Variants in SLC24A2 observed in about 807,000 individuals in gnomAD.
SLC24A2 encodes solute carrier family 24 member 2.
A neutral mutation model predicts 62.0 loss-of-function variants in SLC24A2; 36 were observed. The observed-to-expected ratio is 0.58, with a 90% CI of 0.44 to 0.77. The LOEUF (loss-of-function observed/expected upper bound fraction) is 0.77, where lower values mean the gene tolerates loss of function less well. Ranked by LOEUF, SLC24A2 falls within the 30% of genes least tolerant of loss-of-function variation. The pLI is 0.00. For synonymous variants in SLC24A2, 358 were observed against 294.0 expected (o/e 1.22, Z -2.23); for missense variants, 846 against 817.9 (o/e 1.03, Z -0.42).
chr9:19,801,774 G>A, the SLC24A2 span, among the ~76,000 whole-genome samples: 4 of 152,186 alleles, frequency 2.6e-5, no homozygotes, highest in African/African-American at 9.6e-5. Flanking sequence ...CAGGCTTAGG[G>A]ATTTTTAGTC....
the SLC24A2 span, among the ~76,000 whole-genome samples, chr9:19,996,942 G>T: frequency 2.6e-5 from 4 of 151,826 alleles, no homozygotes; most frequent in South Asian, 8.3e-4. Flanking sequence ...GCGCTCAGTG[G>T]TAAAAGCATG....
the SLC24A2 span, among the ~76,000 whole-genome samples, chr9:19,867,703 A>T: frequency 5.3e-5 from 8 of 152,100 alleles, no homozygotes; most frequent in African/African-American, 1.7e-4. Flanking sequence ...AGGTCAAAAG[A>T]TCCAGACCAT....
chr9:20,301,778 G>T, the SLC24A2 span, among the ~76,000 whole-genome samples: 1 of 151,854 alleles, frequency 6.6e-6, no homozygotes, highest in Admixed American at 6.6e-5. Context: ...TTTACATTAG[G>T]GTTCACTCTT....
the SLC24A2 span, among the ~76,000 whole-genome samples, chr9:20,034,679 A>G: frequency 1.3e-5 from 2 of 152,054 alleles, no homozygotes; most frequent in South Asian, 2.1e-4. Flanking sequence ...CGTGTTAGCC[A>G]GGATGGTCTC....
At chr9:20,042,349 C>G in the SLC24A2 span, among the ~76,000 whole-genome samples, 1 of 152,190 alleles carries the variant, frequency 6.6e-6, no homozygotes, top group Non-Finnish European at 1.5e-5. Context: ...TCTGGAATAT[C>G]TGAGAAAGCA....
At chr9:19,677,475 A>T (rs376657679) in intron 2 of SLC24A2, among the ~76,000 whole-genome samples, 1 of 152,188 alleles carries the variant, frequency 6.6e-6, no homozygotes, top group Non-Finnish European at 1.5e-5. Flanking sequence ...AAAATAACTA[A>T]TAGGTACCAG....
the SLC24A2 span, among the ~76,000 whole-genome samples, chr9:20,274,284 T>A: frequency 6.6e-6 from 1 of 151,990 alleles, no homozygotes; most frequent in Non-Finnish European, 1.5e-5. Context: ...CTCTTCTACA[T>A]AGAGTGATTG....
chr9:20,229,665 G>T, the SLC24A2 span, among the ~76,000 whole-genome samples: 5 of 151,744 alleles, frequency 3.3e-5, no homozygotes, highest in Non-Finnish European at 7.4e-5. Context: ...TATTACTTTT[G>T]CATCAAAGCA....
intron 7 of SLC24A2, among the ~76,000 whole-genome samples, chr9:19,554,183 C>A (rs779009812): frequency 6.6e-6 from 1 of 152,156 alleles, no homozygotes; most frequent in African/African-American, 2.4e-5. Context: ...GGGGACACAG[C>A]AAGAAGGCAG....
At chr9:19,662,349 C>T (rs762915937) in intron 2 of SLC24A2, among the ~76,000 whole-genome samples, 1 of 152,178 alleles carries the variant, frequency 6.6e-6, no homozygotes, top group Non-Finnish European at 1.5e-5. Context: ...AGACACATTT[C>T]AAGGGCTGAG....
At chr9:19,952,529 A>G in the SLC24A2 span, among the ~76,000 whole-genome samples, 5 of 152,044 alleles carry the variant, frequency 3.3e-5, no homozygotes, top group Non-Finnish European at 7.4e-5. Flanking sequence ...AGTTTTTATC[A>G]TACCTGAGAT....
At chr9:19,826,889 T>C in the SLC24A2 span, among the ~76,000 whole-genome samples, 4 of 152,166 alleles carry the variant, frequency 2.6e-5, no homozygotes, top group Non-Finnish European at 5.9e-5. Context: ...CCAGTGAATC[T>C]CCTCCTGGTT....
the SLC24A2 span, among the ~76,000 whole-genome samples, chr9:20,219,968 T>C: frequency 1.3e-5 from 2 of 152,138 alleles, no homozygotes; most frequent in African/African-American, 4.8e-5. Context: ...CCATACAGGG[T>C]TGAAAATATC....
the SLC24A2 span, among the ~76,000 whole-genome samples, chr9:20,113,201 C>T: frequency 6.6e-6 from 1 of 152,064 alleles, no homozygotes; most frequent in Non-Finnish European, 1.5e-5. Flanking sequence ...TCTTTCAAAC[C>T]CCATAGTTCT....
the SLC24A2 span, among the ~76,000 whole-genome samples, chr9:20,143,330 T>C: frequency 2.0e-5 from 3 of 152,116 alleles, no homozygotes; most frequent in Non-Finnish European, 4.4e-5. Context: ...GAGAAAAAGA[T>C]ACAGAAGAAA....
intron 2 of SLC24A2, among the ~76,000 whole-genome samples, chr9:19,628,947 A>AT (rs1313762601): frequency 1.3e-5 from 2 of 152,158 alleles, no homozygotes; most frequent in Non-Finnish European, 2.9e-5. Context: ...GGAGGATGTG[A>AT]TTTTTTAAAA....
the SLC24A2 span, among the ~76,000 whole-genome samples, chr9:20,241,662 T>C: frequency 6.6e-6 from 1 of 151,598 alleles, no homozygotes; most frequent in African/African-American, 2.4e-5. Context: ...AAAATAAAGA[T>C]AAATTGCCAT....
chr9:20,073,202 C>T, the SLC24A2 span, among the ~76,000 whole-genome samples: 10 of 152,122 alleles, frequency 6.6e-5, no homozygotes, highest in African/African-American at 2.2e-4. Context: ...TCATCTGTGG[C>T]TTAGGATTCT....
the SLC24A2 span, among the ~76,000 whole-genome samples, chr9:20,103,623 C>T: frequency 6.6e-6 from 1 of 152,188 alleles, no homozygotes; most frequent in Non-Finnish European, 1.5e-5. Flanking sequence ...CTCCAAGAGA[C>T]CTGGAGCTGA....
Sources: allele counts gnomAD v4.1 joint callset (sites outside exome capture counted in the v4.1 genomes callset), GRCh38; gene constraint gnomAD v4.1.1; transcripts MANE v1.5; gene names NCBI Gene and HGNC (gene_info 2026-07-23, HGNC 2026-07-21).